ADGRD2: variants seen among roughly 807,000 people sequenced by gnomAD.
ADGRD2 encodes the protein G protein-coupled receptor PGR24.
Under a neutral mutation model 44.4 loss-of-function variants are expected in ADGRD2, and 71 were observed. The ratio of observed to expected loss-of-function variants is 1.60; its 90% CI spans 1.32 to 1.95. The LOEUF is 1.95. ADGRD2 is among the 30% of genes most tolerant of loss of function. ADGRD2 has a pLI of 0.00. For missense variants in ADGRD2, 1,039 were observed against 512.4 expected, an observed-to-expected ratio of 2.03 and a Z score of -9.92; for synonymous variants, 481 against 224.8, an observed-to-expected ratio of 2.14 and a Z score of -10.19.
intron 10 of ADGRD2, among the ~76,000 whole-genome samples, chr9:124,459,408 C>T (rs750700465): frequency 3.3e-5 from 5 of 151,952 alleles, no homozygotes; most frequent in African/African-American, 7.3e-5. Flanking sequence ...GCAAGAGAAC[C>T]GCCTGAACCC....
chr9:124,460,339 A>C (rs1313742377), intron 10 of ADGRD2, among the ~76,000 whole-genome samples: 1 of 150,780 alleles, frequency 6.6e-6, no homozygotes, highest in Non-Finnish European at 1.5e-5. Flanking sequence ...AGTAGCTGGG[A>C]CTACAGGCAT....
chr9:124,455,214 A>T, intron 6 of ADGRD2, 87 bp downstream of exon 9: 2 of 599,868 alleles, frequency 3.3e-6, no homozygotes, highest in South Asian at 4.0e-5. Flanking sequence ...TGGGGGAGTC[A>T]GCATCTAGCT....
chr9:124,458,659 G>C (rs78597609), exon 10 of ADGRD2: 17,734 of 718,790 alleles, frequency 0.025, 1,539 homozygotes, highest in East Asian at 0.24. Context: ...CTCCTCTGAA[G>C]TGTGGGACGT....
intron 14 of ADGRD2, among the ~76,000 whole-genome samples, chr9:124,469,006 C>T (rs1000718624): frequency 1.3e-5 from 2 of 152,202 alleles, no homozygotes; most frequent in African/African-American, 4.8e-5. Context: ...CCAGCTGTAG[C>T]CTCCAAAGCA....
upstream of ADGRD2, chr9:124,452,004 T>TCCCCCCCCC: frequency 1.7e-5 from 2 of 114,464 alleles, no homozygotes; most frequent in Admixed American, 1.0e-4. Flanking sequence ...AATGCCCCCC[T>TCCCCCCCCC]CCCACCCACC....
chr9:124,455,688 C>A (rs1052121832), intron 6 of ADGRD2, among the ~76,000 whole-genome samples: 2 of 152,184 alleles, frequency 1.3e-5, no homozygotes, highest in African/African-American at 4.8e-5. Context: ...CTCCAAGAAC[C>A]TGCTGACCAC....
chr9:124,458,345 C>A, intron 9 of ADGRD2, 109 bp downstream of exon 12: 1 of 646,502 alleles, frequency 1.5e-6, no homozygotes, highest in East Asian at 2.7e-5. Context: ...CAGGGCCCAC[C>A]CTTTCCCACC....
intron 10 of ADGRD2, among the ~76,000 whole-genome samples, chr9:124,459,518 T>G (rs1831687055): frequency 6.6e-6 from 1 of 151,660 alleles, no homozygotes; most frequent in African/African-American, 2.4e-5. Flanking sequence ...GTTTTGTAGA[T>G]ATATATGGTC....
intron 17 of ADGRD2, among the ~76,000 whole-genome samples, chr9:124,471,259 C>G (rs979825519): frequency 6.6e-6 from 1 of 152,104 alleles, no homozygotes; most frequent in African/African-American, 2.4e-5. Flanking sequence ...CTCGACCTCC[C>G]TGGACCACCC....
chr9:124,475,789 C>T lies in ADGRD2; in HGVS notation c.2845+174C>T, dbSNP rs574249046. 9.3e-5 allele frequency: 50 copies of T among 539,086 alleles called. 2 individuals are homozygous for T. In the South Asian group the frequency reaches 1.2e-3, roughly 13 times the overall value. 33.4% of individuals were successfully genotyped at this position (539,086 alleles called of 1,614,324 possible). A position where few individuals can be genotyped will look rare whatever the true frequency, so the allele number is the denominator to read the frequency against. On this transcript the variant is annotated intron_variant, in intron 19 of 21. Transcript: ENST00000334810. ...GAGCCCCATAGCCTTGGCTCCACCC[C>T]GGAGACACGTGGCTCTCAGAGGTAC...
intron 10 of ADGRD2, among the ~76,000 whole-genome samples, chr9:124,459,533 C>T (rs758181163): frequency 4.6e-5 from 7 of 152,052 alleles, no homozygotes; most frequent in Admixed American, 4.6e-4. Context: ...ATGGTCAGCC[C>T]TCCATATGGG....
At chr9:124,475,743 C>T (rs996235785) in intron 19 of ADGRD2, 128 bp downstream of exon 22, 1 of 554,592 alleles carries the variant, frequency 1.8e-6, no homozygotes, top group Non-Finnish European at 3.2e-6. Flanking sequence ...GGCCCCCAGG[C>T]CCCTGGGAGG....
chr9:124,467,847 G>A lies in ADGRD2; in HGVS notation c.2130+23G>A, dbSNP rs1040056556. 9.8e-6 allele frequency: 7 copies of A among 717,940 alleles called. No individual in the cohort carries two copies. The African/African-American group carries it at 1.0e-4, about 11-fold the overall frequency. The allele number at this position is 717,940 out of a possible 1,614,324, so 44.5% of individuals were successfully genotyped here. ...CGGGTGAGGAGAGTTCACCACTGTA[G>A]CCTGGTGGCCTGGGCCCTCCCGCCT... On this transcript the variant is annotated intron_variant, in intron 12 of 21. Coordinates refer to ENST00000334810, the Ensembl canonical transcript of ADGRD2.
chr9:124,457,242 C>A (rs1328943438), intron 7 of ADGRD2, among the ~76,000 whole-genome samples: 1 of 152,220 alleles, frequency 6.6e-6, no homozygotes, highest in Non-Finnish European at 1.5e-5. Context: ...GGTGACTCAT[C>A]AATATTCAGG....
chr9:124,467,684 G>T, intron 11 of ADGRD2, 37 bp from the exon 15 acceptor site: 1 of 717,290 alleles, frequency 1.4e-6, no homozygotes. Flanking sequence ...GTTGGGTCTG[G>T]GTGGTGCCAG....
chr9:124,472,551 G>A (rs10121977), intron 17 of ADGRD2, among the ~76,000 whole-genome samples: 2,594 of 152,238 alleles, frequency 0.017, 62 homozygotes, highest in African/African-American at 0.058. Context: ...CTGTCGCCCA[G>A]GCTGGAGTGC....
chr9:124,459,875 T>G (rs1363002457), intron 10 of ADGRD2, among the ~76,000 whole-genome samples: 1 of 152,092 alleles, frequency 6.6e-6, no homozygotes, highest in African/African-American at 2.4e-5. Flanking sequence ...GGAACCAATC[T>G]CCCGCAGGTA....
upstream of ADGRD2, among the ~76,000 whole-genome samples, chr9:124,450,496 G>A (rs937439706): frequency 1.4e-4 from 21 of 152,378 alleles, no homozygotes; most frequent in African/African-American, 5.0e-4. Context: ...ACAGGCGCCA[G>A]GCCAGCCATA....
chr9:124,459,244 C>A (rs1326024396), intron 10 of ADGRD2, among the ~76,000 whole-genome samples: 2 of 152,218 alleles, frequency 1.3e-5, no homozygotes, highest in Non-Finnish European at 2.9e-5. Context: ...GTAATCCCAG[C>A]ACTTTGGGAG....
Sources: gnomAD v4.1 joint callset for allele counts (sites outside exome capture counted in the v4.1 genomes callset) on GRCh38, gnomAD v4.1.1 for gene constraint, MANE v1.5 for transcripts, NCBI Gene and HGNC (gene_info 2026-07-23, HGNC 2026-07-21) for gene names.